MST1R: variants seen among roughly 807,000 people sequenced by gnomAD.
MST1R encodes macrophage-stimulating protein receptor.
A neutral mutation model predicts 117.8 loss-of-function variants in MST1R; 99 were observed. The observed-to-expected ratio is 0.84, with a 90% CI of 0.71 to 0.99. The LOEUF (loss-of-function observed/expected upper bound fraction) is 0.99, where lower values mean the gene tolerates loss of function less well. Ranked by LOEUF, MST1R falls within the 50% of genes least tolerant of loss-of-function variation. MST1R has a pLI of 0.00. For synonymous variants in MST1R, 734 were observed against 765.3 expected (o/e 0.96, Z 0.68); for missense variants, 1,683 against 1,840.2 (o/e 0.91, Z 1.56).
chr3:49,895,262 A>G lies in MST1R; in HGVS notation c.3176T>C (p.Leu1059Pro), dbSNP rs371936967. The G allele has an allele frequency of 3.7e-6, 6 of 1,614,062 alleles. No homozygotes were observed. The African/African-American group carries it at 8.0e-5, about 22-fold the overall frequency. Residue 1059 changes from leucine to proline, a missense_variant, in exon 14 of 20, where the codon CTA becomes CCA. Transcript: ENST00000296474. ...CAAGAGCGCAGAGTCCAGGTCCCTT[A>G]GCTGGATGGACTCTTTCCGCAGCAG... ...VPLLRKESIQ[L>P]RDLDSALLAE...
At chr3:49,901,266 A>G (rs2082666741) in intron 1 of MST1R, among the ~76,000 whole-genome samples, 1 of 152,218 alleles carries the variant, frequency 6.6e-6, no homozygotes, top group Admixed American at 6.5e-5. Flanking sequence ...CGAGGCATCA[A>G]TAGGAGCGGA....
chr3:49,896,987 A>C (rs1234279549), intron 7 of MST1R, 97 bp from the exon 8 acceptor site: 8 of 1,371,206 alleles, frequency 5.8e-6, no homozygotes, highest in South Asian at 4.7e-5. Flanking sequence ...TTCGTCTGTT[A>C]TCTCTCCCAC....
Position 49,903,555 on chromosome 3 carries a change from C to T in MST1R, c.55G>A (p.Ala19Thr), listed in dbSNP as rs2108516376. ...QSFLLLLLLP[A>T]KPAAGEDWQC... ...CAGTCCTCGCCCGCCGCGGGCTTGG[C>T]AGGCAACAGCAGCAGCAACAGGAAG... The change falls in exon 1 of 20, where the codon GCC becomes ACC. Residue 19 changes from alanine (A) to threonine (T), a missense_variant. By Grantham distance (58) the Ala-to-Thr change is moderately conservative. Coordinates refer to ENST00000296474, the MANE Select transcript of MST1R (RefSeq NM_002447.4). The T allele has an allele frequency of 6.3e-7, 1 of 1,592,802 alleles. No individual in the cohort carries two copies. Among genetic ancestry groups the T allele is most frequent in the Non-Finnish European group, 8.5e-7 (1 of 1,174,432 alleles).
intron 7 of MST1R, 104 bp downstream of exon 7, chr3:49,897,176 C>T: frequency 1.4e-6 from 2 of 1,476,768 alleles, no homozygotes; most frequent in South Asian, 1.3e-5. Flanking sequence ...CTCTCCACAC[C>T]ACACTGACCA....
chr3:49,893,828 G>A (rs534866857), intron 14 of MST1R, among the ~76,000 whole-genome samples: 11 of 151,488 alleles, frequency 7.3e-5, no homozygotes, highest in African/African-American at 2.7e-4. Context: ...GAACCTGGGA[G>A]GCGGAGCTTG....
chr3:49,891,250 C>G lies in MST1R; in HGVS notation c.3591G>C (p.Glu1197Asp), dbSNP rs757007128. 5.0e-6 allele frequency: 8 copies of G among 1,614,036 alleles called. No individual in the cohort carries two copies. The highest frequency in any genetic ancestry group is 6.8e-6 in the Non-Finnish European group (8 of 1,180,054). ...GCACAAACTTCTGCTCTGCCAGGTA[C>G]TCCATGCCGCGGGCTACCTGCAGGC... ...SFGLQVARGM[E>D]YLAEQKFVHR... The change falls in exon 17 of 20, where the codon GAG (glutamate) becomes GAC (aspartate). Residue 1197 changes from glutamate to aspartate, a missense_variant. By Grantham distance (45) the Glu-to-Asp change is conservative. Transcript: ENST00000296474.
intron 4 of MST1R, 99 bp from the exon 5 acceptor site, chr3:49,898,310 A>G (rs1575444506): frequency 6.6e-7 from 1 of 1,514,640 alleles, no homozygotes; most frequent in Non-Finnish European, 9.0e-7. Context: ...TGCCTTCCCC[A>G]CGCTCCAGCC....
At position 49,887,065 on chromosome 3, in the gene MST1R, C is replaced by T; in HGVS notation, c.*242G>A. 1.7e-6 allele frequency: 1 copy of T among 595,056 alleles called. No homozygotes were observed. The highest frequency in any genetic ancestry group is 3.0e-5 in the Admixed American group (1 of 32,954). The allele number at this position is 595,056 out of a possible 1,614,324, so 36.9% of individuals were successfully genotyped here. On this transcript the variant is annotated 3_prime_UTR_variant, in exon 20 of 20. Coordinates refer to ENST00000296474, the MANE Select transcript of MST1R (RefSeq NM_002447.4). ...AGGGTCAGTGTTGGTGTGGTCACTG[C>T]TGAGTCCACTGTGCCCAGAAGACAG...
rs576452009 is a variant in MST1R at position 49,893,912 on chromosome 3, A to T, written c.3271+1255T>A. On this transcript the variant is annotated intron_variant, in intron 14 of 19. Transcript: ENST00000296474. ...AGACTCCCTCTCAAAAAAAAAAAAA[A>T]AATAAAATAAAATAAAATAGGCTGG... Among the ~76,000 whole-genome samples, 432 of 139,964 alleles carry T rather than the reference A, an allele frequency of 3.1e-3. 2 individuals carry two copies. Among genetic ancestry groups the T allele is most frequent in the African/African-American group, 7.6e-3 (299 of 39,398 alleles). The allele number at this position is 139,964 out of a possible 152,430, so 91.8% of individuals were successfully genotyped here.
chr3:49,900,619 G>A (rs1457237819), intron 1 of MST1R, among the ~76,000 whole-genome samples: 1 of 152,186 alleles, frequency 6.6e-6, no homozygotes, highest in Non-Finnish European at 1.5e-5. Flanking sequence ...GTGGGGACTG[G>A]GATTTTGTCC....
At chr3:49,890,405 A>C in intron 18 of MST1R, 80 bp downstream of exon 18, 1 of 1,468,246 alleles carries the variant, frequency 6.8e-7, no homozygotes, top group East Asian at 2.3e-5. Flanking sequence ...CTGGGCTCAG[A>C]TCATTCAGAG....
intron 14 of MST1R, among the ~76,000 whole-genome samples, chr3:49,892,256 A>T (rs1445618155): frequency 1.3e-5 from 2 of 148,972 alleles, no homozygotes; most frequent in South Asian, 2.3e-4. Flanking sequence ...GAGCCACCAC[A>T]CCCGGCCCAA....
At chr3:49,895,686 C>A in intron 12 of MST1R, 29 bp downstream of exon 12, 1 of 1,612,160 alleles carries the variant, frequency 6.2e-7, no homozygotes, top group Non-Finnish European at 8.5e-7. Flanking sequence ...GGGGTAGGGG[C>A]TGATTAAAGG....
chr3:49,903,704 C>A lies in MST1R; in HGVS notation c.-95G>T. On this transcript the variant is annotated 5_prime_UTR_variant, in exon 1 of 20. Transcript: ENST00000296474. ...GGCCCGACTCGAGGTCTGGACTGGG[C>A]CAAATTTAAGCAGCGGTCCCGACAG... The A allele has an allele frequency of 4.7e-6, 7 of 1,473,964 alleles. No homozygotes were observed. Among genetic ancestry groups the A allele is most frequent in the Non-Finnish European group, 6.3e-6 (7 of 1,114,838 alleles). The allele number at this position is 1,473,964 out of a possible 1,614,324, so 91.3% of individuals were successfully genotyped here.
rs551800134 is a variant in MST1R at position 49,891,448 on chromosome 3, G to T, written c.3485C>A (p.Pro1162His). 116 of 1,613,974 alleles carry T rather than the reference G, an allele frequency of 7.2e-5. No homozygotes were observed. The South Asian group carries it at 1.1e-3, about 16-fold the overall frequency. ...PPEGLPHVLL[P>H]YMCHGDLLQF... ...GAGCAGGTCACCGTGGCACATATAG[G>T]GCAGCAGCACATGGGGCAGGCCCTC... The change falls in exon 16 of 20, where the codon CCC (proline) becomes CAC (histidine). Residue 1162 changes from proline to histidine, a missense_variant. Transcript: ENST00000296474.
Position 49,902,442 on chromosome 3 carries a change from CTG to C in MST1R, c.1166_1167del (p.Pro389ArgfsTer42). 4.3e-6 allele frequency: 7 copies of C among 1,614,180 alleles called. No individual in the cohort carries two copies. Among genetic ancestry groups the C allele is most frequent in the African/African-American group, 1.3e-5 (1 of 75,066 alleles). Reference protein sequence around the residue: ...DEGVERCCESPVHPGLRRGLD... With the variant: ...DEGVERCCESXVHPGLRRGLD... ...AGGCCTCGCCGGAGGCCTGGATGGA[CTG>C]GGGATTCACAACAGCGCTCCACACC... On this transcript the variant is annotated frameshift_variant, in exon 1 of 20. Transcript: ENST00000296474. LOFTEE classifies it high-confidence loss of function.
intron 7 of MST1R, 44 bp downstream of exon 7, chr3:49,897,236 G>A (rs2082505336): frequency 6.4e-7 from 1 of 1,567,084 alleles, no homozygotes; most frequent in African/African-American, 1.4e-5. Context: ...GTCCCCACCT[G>A]GATAGAACCC....
rs754500875 is a variant in MST1R at position 49,891,382 on chromosome 3, G to A, written c.3534+17C>T. 57 of 1,613,716 alleles carry A rather than the reference G, an allele frequency of 3.5e-5. No individual in the cohort carries two copies. The South Asian group carries it at 5.4e-4, about 15-fold the overall frequency. Reference sequence around the variant, plus strand: ...GCTGCTGCCCAGCCCCCAACCCAGAGCCAGATGAACACTGACCCGCTGAGG... The same window carrying A: ...GCTGCTGCCCAGCCCCCAACCCAGAACCAGATGAACACTGACCCGCTGAGG... On this transcript the variant is annotated intron_variant, in intron 16 of 19. Coordinates refer to ENST00000296474, the MANE Select transcript of MST1R (RefSeq NM_002447.4).
rs754281140 is a variant in MST1R, at chr3:49,895,823, C to T, written c.2854G>A (p.Gly952Arg). The T allele has an allele frequency of 1.7e-5, 28 of 1,613,790 alleles. No homozygotes were observed. The highest frequency in any genetic ancestry group is 2.4e-5 in the Non-Finnish European group (28 of 1,179,940). Residue 952 changes from glycine (G) to arginine (R), a missense_variant, in exon 12 of 20, where the codon GGG (glycine) becomes AGG (arginine). Gly to Arg is a moderately radical substitution (Grantham distance 125). Coordinates refer to ENST00000296474, the MANE Select transcript of MST1R (RefSeq NM_002447.4). ...LGRVVRPGPD[G>R]VPQSTLLGIL... The stretch of plus-strand genomic sequence containing the variant: ...CCAAGGAGCGTGCTCTGTGGGACCC[C>T]ATCTGGCCCTGGCCGCACCACTCTA...
Sources: allele counts gnomAD v4.1 joint callset (sites outside exome capture counted in the v4.1 genomes callset), GRCh38; gene constraint gnomAD v4.1.1; transcripts MANE v1.5; gene names NCBI Gene and HGNC (gene_info 2026-07-23, HGNC 2026-07-21).